VAV1: variants seen among roughly 807,000 people sequenced by gnomAD.
VAV1 encodes proto-oncogene vav.
VAV1 carries 33 observed loss-of-function variants against 128.1 expected under a neutral mutation model. The observed-to-expected ratio is 0.26, with a 90% confidence interval of 0.20 to 0.34. The LOEUF (loss-of-function observed/expected upper bound fraction) is 0.34. VAV1 is among the 10% of genes least tolerant of loss of function. VAV1 has a pLI of 1.00. For missense variants in VAV1, 715 were observed against 1,093.7 expected, an observed-to-expected ratio of 0.65 and a Z score of 4.88; for synonymous variants, 394 against 409.8, an observed-to-expected ratio of 0.96 and a Z score of 0.47.
intron 1 of VAV1, among the ~76,000 whole-genome samples, chr19:6,814,366 T>C (rs1037635627): frequency 1.3e-5 from 2 of 152,178 alleles, no homozygotes; most frequent in African/African-American, 2.4e-5. Context: ...CTACCTTCCC[T>C]CTTGCTCCGG....
intron 1 of VAV1, among the ~76,000 whole-genome samples, chr19:6,818,809 T>G (rs1471989794): frequency 6.6e-6 from 1 of 152,040 alleles, no homozygotes; most frequent in Non-Finnish European, 1.5e-5. Context: ...TACAAATATC[T>G]AGTCCTAAAA....
At chr19:6,801,746 C>A (rs979669491) in intron 1 of VAV1, among the ~76,000 whole-genome samples, 1 of 152,090 alleles carries the variant, frequency 6.6e-6, no homozygotes, top group Non-Finnish European at 1.5e-5. Flanking sequence ...GGCTCTGGGT[C>A]CCCTTCTCCC....
rs184720680 is a variant in VAV1 at position 6,820,472 on chromosome 19, C to T, written c.205-230C>T. Among the ~76,000 whole-genome samples the T allele has an allele frequency of 3.0e-4, 46 of 152,186 alleles. No individual in the cohort carries two copies. Among genetic ancestry groups the T allele is most frequent in the East Asian group, 9.6e-4 (5 of 5,194 alleles). On this transcript the variant is annotated intron_variant, in intron 1 of 26. Transcript: ENST00000602142. The surrounding 1 kb of genome is among the most constrained non-coding windows in gnomAD (Gnocchi z 4.4). ...TATGGATATACCACATTTGTTTAAC[C>T]GTTAGTGATTAATTTTATCTTTTGT...
intron 1 of VAV1, among the ~76,000 whole-genome samples, chr19:6,801,352 C>A (rs1316075896): frequency 6.6e-6 from 1 of 152,154 alleles, no homozygotes; most frequent in East Asian, 1.9e-4. Context: ...CCTCAACTTG[C>A]CGGGCTGGTC....
rs1180138091 is a variant in VAV1, at chr19:6,826,569, G to A, written c.828-43G>A. 6.7e-7 allele frequency: 1 copy of A among 1,484,628 alleles called. No individual in the cohort carries two copies. The highest frequency in any genetic ancestry group is 9.2e-7 in the Non-Finnish European group (1 of 1,088,500). 92.0% of individuals were successfully genotyped at this position (1,484,628 alleles called of 1,614,324 possible). A position where few individuals can be genotyped will look rare whatever the true frequency, so the allele number is the denominator to read the frequency against. ...CTGACGCCAGCCTCTGCCCGACCTT[G>A]ATGCCAGTCACCTTTACCTGGTGGC... On this transcript the variant is annotated intron_variant, in intron 8 of 26. Coordinates refer to ENST00000602142, the MANE Select transcript of VAV1 (RefSeq NM_005428.4). This position sits in a 1 kb window ranked among gnomAD's most constrained non-coding sequence, Gnocchi z 4.1.
At chr19:6,816,311 T>C (rs1358403280) in intron 1 of VAV1, 4 of 152,098 alleles carry the variant, frequency 2.6e-5, no homozygotes, top group Middle Eastern at 3.1e-3. Context: ...TGAGCCACCA[T>C]GCCCGGCTAC....
intron 1 of VAV1, among the ~76,000 whole-genome samples, chr19:6,812,198 C>T (rs1164890044): frequency 1.3e-5 from 2 of 152,162 alleles, no homozygotes; most frequent in South Asian, 2.1e-4. Context: ...TCTTTAGTGG[C>T]CTCTGCCCGA....
intron 1 of VAV1, among the ~76,000 whole-genome samples, chr19:6,809,431 G>T (rs1971468420): frequency 6.6e-6 from 1 of 152,132 alleles, no homozygotes; most frequent in African/African-American, 2.4e-5. Flanking sequence ...TACCACAAAG[G>T]GCATTCAGGG....
chr19:6,822,643 CTG>C lies in VAV1; in HGVS notation c.654+131_654+132del. 1 of 706,140 alleles carries C rather than the reference CTG, an allele frequency of 1.4e-6. No individual in the cohort carries two copies. The allele number at this position is 706,140 out of a possible 1,614,324, so 43.7% of individuals were successfully genotyped here. A position where few individuals can be genotyped will look rare whatever the true frequency, so the allele number is the denominator to read the frequency against. The stretch of plus-strand genomic sequence containing the variant: ...CTCCCATCGCTTTTCCTTTCTGTGA[CTG>C]TCTCCGTCTCTGAGTTTCTCTGACT... On this transcript the variant is annotated intron_variant, in intron 6 of 26. Coordinates refer to ENST00000602142, the MANE Select transcript of VAV1 (RefSeq NM_005428.4). This position sits in a 1 kb window ranked among gnomAD's most constrained non-coding sequence, Gnocchi z 5.9.
intron 9 of VAV1, 89 bp from the exon 10 acceptor site, chr19:6,827,987 C>G: frequency 9.2e-7 from 1 of 1,087,110 alleles, no homozygotes; most frequent in South Asian, 1.3e-5. Context: ...GAGCTGCTCA[C>G]GTATTTATTC....
intron 14 of VAV1, 41 bp downstream of exon 14, chr19:6,829,959 T>C (rs1446846076): frequency 2.5e-6 from 4 of 1,612,986 alleles, no homozygotes; most frequent in Non-Finnish European, 3.4e-6. Flanking sequence ...CTCCACGCAG[T>C]CGGCAGCTTA....
rs374026712 is a variant in VAV1, at chr19:6,828,444, C to T, written c.1049C>T (p.Ala350Val). Residue 350 changes from alanine (A) to valine (V), a missense_variant, in exon 11 of 27, where the codon GCG becomes GTG. By Grantham distance (64) the Ala-to-Val change is moderately conservative. Coordinates refer to ENST00000602142, the MANE Select transcript of VAV1 (RefSeq NM_005428.4). This position sits in a 1 kb window ranked among gnomAD's most constrained non-coding sequence, Gnocchi z 4.5. ...GAGCTGGTGAAACACACGCAGGAGG[C>T]GATGGAGAAGGAGAACCTGCGGCTG... ...LQELVKHTQE[A>V]MEKENLRLAL... The T allele has an allele frequency of 4.5e-5, 73 of 1,614,082 alleles. 1 individual carries two copies. The East Asian group carries it at 1.2e-3, about 26-fold the overall frequency.
intron 21 of VAV1, among the ~76,000 whole-genome samples, chr19:6,840,578 C>A (rs1972348236): frequency 6.6e-6 from 1 of 151,824 alleles, no homozygotes; most frequent in East Asian, 1.9e-4. Context: ...GGATTACAGG[C>A]GTGAGCCACT....
At chr19:6,797,320 C>CT (rs545103098) in intron 1 of VAV1, among the ~76,000 whole-genome samples, 3 of 151,814 alleles carry the variant, frequency 2.0e-5, no homozygotes, top group Admixed American at 6.6e-5. Context: ...TGCTTGGAGC[C>CT]TTTTTACCCC....
At chr19:6,816,596 C>T (rs956846794) in intron 1 of VAV1, 3 of 151,902 alleles carry the variant, frequency 2.0e-5, no homozygotes, top group African/African-American at 7.3e-5. Flanking sequence ...TTAATTGCAG[C>T]TCCTCCCCTA....
chr19:6,832,279 T>C (rs1055915149), intron 15 of VAV1, 79 bp downstream of exon 15: 3 of 1,384,502 alleles, frequency 2.2e-6, no homozygotes, highest in Non-Finnish European at 3.0e-6. Context: ...TAGTCCCTAC[T>C]CTGTCCTGAC....
chr19:6,776,551 T>G (rs908164687), intron 1 of VAV1, among the ~76,000 whole-genome samples: 8 of 119,170 alleles, frequency 6.7e-5, no homozygotes, highest in African/African-American at 9.8e-5. Flanking sequence ...CATCCATCCA[T>G]CCATTCAACC....
rs781029066 is a variant in VAV1 at position 6,833,291 on chromosome 19, A to G, written c.1610+6A>G. 1.2e-6 allele frequency: 2 copies of G among 1,606,262 alleles called. No homozygotes were observed. Among genetic ancestry groups the G allele is most frequent in the Admixed American group, 1.7e-5 (1 of 58,036 alleles). ...GCCTGTCAGATGCTGCTTAGGTGAGAATCTGGGAGGAGGGTCCTGCATACC... is the reference window on the plus strand; with the variant it reads ...GCCTGTCAGATGCTGCTTAGGTGAGGATCTGGGAGGAGGGTCCTGCATACC... On this transcript the variant is annotated splice_donor_region_variant and intron_variant, in intron 16 of 26. Coordinates refer to ENST00000602142, the MANE Select transcript of VAV1 (RefSeq NM_005428.4).
At position 6,828,365 on chromosome 19, in the gene VAV1, C is replaced by G. The variant is rs1237982589; in HGVS notation, c.1024-54C>G. On this transcript the variant is annotated intron_variant, in intron 10 of 26. Coordinates refer to ENST00000602142, the MANE Select transcript of VAV1 (RefSeq NM_005428.4). The surrounding 1 kb of genome is among the most constrained non-coding windows in gnomAD (Gnocchi z 4.5). ...GCTAGCATTGTTTGGAAGGCCCTCCCCGCAGGGAGAAGGGGAGGGGCCCAG... is the reference window on the plus strand; with the variant it reads ...GCTAGCATTGTTTGGAAGGCCCTCCGCGCAGGGAGAAGGGGAGGGGCCCAG... 3 of 1,608,400 alleles carry G rather than the reference C, an allele frequency of 1.9e-6. No individual in the cohort carries two copies. The highest frequency in any genetic ancestry group is 2.6e-6 in the Non-Finnish European group (3 of 1,175,828).
Sources: allele counts gnomAD v4.1 joint callset (sites outside exome capture counted in the v4.1 genomes callset), GRCh38; gene constraint gnomAD v4.1.1; non-coding constraint Gnocchi (gnomAD v3.1); transcripts MANE v1.5; gene names NCBI Gene and HGNC (gene_info 2026-07-23, HGNC 2026-07-21).